Variants in PIK3CA observed in about 807,000 individuals in gnomAD.
PIK3CA encodes the protein phosphatidylinositol 4,5-bisphosphate 3-kinase catalytic subunit alpha isoform.
PIK3CA carries 27 observed loss-of-function variants against 138.2 expected under a neutral mutation model. That is an observed-to-expected ratio of 0.20 (90% confidence interval 0.14 to 0.27). The LOEUF is 0.27. Ranked by LOEUF, PIK3CA falls within the 10% of genes least tolerant of loss-of-function variation. PIK3CA has a pLI of 1.00. For synonymous variants in PIK3CA, 358 were observed against 413.2 expected (o/e 0.87, Z 1.62); for missense variants, 544 against 1,277.4 (o/e 0.43, Z 8.75).
chr3:179,199,945 T>G (rs1724369301), intron 3 of PIK3CA, 46 bp downstream of exon 3: 3 of 1,186,226 alleles, frequency 2.5e-6, no homozygotes, highest in Non-Finnish European at 3.7e-6. Flanking sequence ...TAGTGCAGTC[T>G]TCTACCTGTG....
At chr3:179,173,444 T>A (rs1326172273) in intron 1 of PIK3CA, among the ~76,000 whole-genome samples, 2 of 140,502 alleles carry the variant, frequency 1.4e-5, no homozygotes, top group Non-Finnish European at 3.0e-5. Flanking sequence ...CCAGGTGTGG[T>A]GGCGGGCGCC....
chr3:179,229,272 A>G lies in PIK3CA; in HGVS notation c.2496A>G (p.Arg832=), dbSNP rs201269713. ...NIWQNQGLDL[R]MLPYGCLSIG... Reference sequence around the variant, plus strand: ...TGTAAACGTGTTACTCCTCTTTCAGAATGTTACCTTATGGTTGTCTGTCAA... The same window carrying G: ...TGTAAACGTGTTACTCCTCTTTCAGGATGTTACCTTATGGTTGTCTGTCAA... Residue 832 remains arginine (R), a splice_region_variant and synonymous_variant, in exon 18 of 21, where the codon CGA becomes CGG. Transcript: ENST00000263967. The G allele has an allele frequency of 1.2e-5, 20 of 1,607,880 alleles. No individual in the cohort carries two copies. The highest frequency in any genetic ancestry group is 1.7e-4 in the Middle Eastern group (1 of 6,054).
At chr3:179,206,246 G>A (rs553325718) in intron 6 of PIK3CA, among the ~76,000 whole-genome samples, 1 of 151,942 alleles carries the variant, frequency 6.6e-6, no homozygotes, top group South Asian at 2.1e-4. Flanking sequence ...TTCAGTAGAG[G>A]GGGGTTTCAC....
At chr3:179,170,377 A>G (rs992464433) in intron 1 of PIK3CA, among the ~76,000 whole-genome samples, 1 of 152,230 alleles carries the variant, frequency 6.6e-6, no homozygotes, top group African/African-American at 2.4e-5. Context: ...AATGTTGGTA[A>G]CGGAGTGAAT....
In PIK3CA at chr3:179,220,867, G is replaced by C. The variant is rs1724949065; in HGVS notation, c.2016-119G>C. ...CAGGTTTTGAATAATTTTATTATTAGTATGATTGTAACATTTATTGGATTT... is the reference window on the plus strand; with the variant it reads ...CAGGTTTTGAATAATTTTATTATTACTATGATTGTAACATTTATTGGATTT... On this transcript the variant is annotated intron_variant, in intron 13 of 20. Transcript: ENST00000263967. The surrounding 1 kb of genome is among the most constrained non-coding windows in gnomAD (Gnocchi z 4.1). The C allele has an allele frequency of 1.9e-6, 1 of 528,498 alleles. No individual in the cohort carries two copies. The highest frequency in any genetic ancestry group is 3.4e-5 in the East Asian group (1 of 29,336). The allele number at this position is 528,498 out of a possible 1,614,324, so 32.7% of individuals were successfully genotyped here. A position where few individuals can be genotyped will look rare whatever the true frequency, so the allele number is the denominator to read the frequency against.
chr3:179,159,185 G>A (rs1403169248), intron 1 of PIK3CA, among the ~76,000 whole-genome samples: 1 of 152,056 alleles, frequency 6.6e-6, no homozygotes, highest in African/African-American at 2.4e-5. Context: ...ATGCTTCCAA[G>A]CTTTTTTGTA....
In PIK3CA at chr3:179,226,946, T is replaced by C. The variant is rs556176019; in HGVS notation, c.2495+906T>C. On this transcript the variant is annotated intron_variant, in intron 17 of 20. Transcript: ENST00000263967. ...ATCAAATTTCATTTTTTGGTATAAT[T>C]TCCTGTGTCATGAGAGATCCACATG... Among the ~76,000 whole-genome samples the C allele has an allele frequency of 2.0e-5, 3 of 152,170 alleles. No individual in the cohort carries two copies. The East Asian group carries it at 5.8e-4, about 29-fold the overall frequency.
chr3:179,150,734 C>T (rs911752671), intron 1 of PIK3CA, among the ~76,000 whole-genome samples: 2 of 152,128 alleles, frequency 1.3e-5, no homozygotes, highest in African/African-American at 4.8e-5. Flanking sequence ...AATCAGTATC[C>T]CCTTAAAAAA....
intron 1 of PIK3CA, among the ~76,000 whole-genome samples, chr3:179,168,212 A>AG (rs1034782710): frequency 6.6e-6 from 1 of 152,174 alleles, no homozygotes; most frequent in Non-Finnish European, 1.5e-5. Context: ...GAATTGGTTC[A>AG]GGGGAAGTAA....
chr3:179,148,723 G>C (rs940961951), intron 1 of PIK3CA, 120 bp downstream of exon 1: 1 of 152,230 alleles, frequency 6.6e-6, no homozygotes, highest in Non-Finnish European at 1.5e-5. Context: ...TCGTCTCCCA[G>C]CGTCGGCCCG....
Position 179,236,716 on chromosome 3 carries a change from CAA to C in PIK3CA, c.*2355_*2356del, listed in dbSNP as rs1351341321. 4.5e-6 allele frequency: 1 copy of C among 223,592 alleles called. No individual in the cohort carries two copies. 13.9% of individuals were successfully genotyped at this position (223,592 alleles called of 1,614,324 possible). ...CGATTTCACCATTTACATTTATTTT[CAA>C]AAGTTACTACAACCAAATTAATTCT... On this transcript the variant is annotated 3_prime_UTR_variant, in exon 21 of 21. Transcript: ENST00000263967.
intron 1 of PIK3CA, among the ~76,000 whole-genome samples, chr3:179,188,371 T>C (rs1724045440): frequency 6.6e-6 from 1 of 152,224 alleles, no homozygotes; most frequent in African/African-American, 2.4e-5. Context: ...ATGCCATTGG[T>C]CACAAGGTGG....
intron 1 of PIK3CA, among the ~76,000 whole-genome samples, chr3:179,178,849 T>C (rs1489395849): frequency 1.3e-5 from 2 of 152,178 alleles, no homozygotes; most frequent in African/African-American, 4.8e-5. Context: ...AGCAAAGAGC[T>C]GTGACAATAC....
chr3:179,177,009 A>C (rs1158694677), intron 1 of PIK3CA, among the ~76,000 whole-genome samples: 1 of 152,092 alleles, frequency 6.6e-6, no homozygotes, highest in African/African-American at 2.4e-5. Flanking sequence ...ATGGGGATAC[A>C]TTTTTGTTTT....
chr3:179,198,967 G>T lies in PIK3CA; in HGVS notation c.142G>T (p.Glu48Ter). The change falls in exon 2 of 21, where the codon GAA becomes TAA. Residue 48 changes from glutamate to a stop codon, truncating the protein, a stop_gained. Transcript: ENST00000263967. LOFTEE classifies it high-confidence loss of function. ...REATLITIKHELFKEARKYPL... is the reference protein window; with the variant it reads ...REATLITIKH ...GGCTACATTAATAACCATAAAGCAT[G>T]AACTATTTAAAGAAGCAAGAAAATA... The T allele has an allele frequency of 6.2e-7, 1 of 1,613,222 alleles. No individual in the cohort carries two copies. The highest frequency in any genetic ancestry group is 1.1e-5 in the South Asian group (1 of 90,924).
rs574908621 is a variant in PIK3CA, at chr3:179,205,020, C to CA, written c.1145+468dup. Among the ~76,000 whole-genome samples, 275 of 53,368 alleles carry CA rather than the reference C, an allele frequency of 5.2e-3. 44 individuals carry two copies. The highest frequency in any genetic ancestry group is 9.4e-3 in the South Asian group (10 of 1,062). The allele number at this position is 53,368 out of a possible 152,430, so 35.0% of individuals were successfully genotyped here. The stretch of plus-strand genomic sequence containing the variant: ...TGGGCAACAGAGCGAGACTCCGTCT[C>CA]AAAAAAAAAAAAAAAAAAAAAAAAA... On this transcript the variant is annotated intron_variant, in intron 6 of 20. Transcript: ENST00000263967.
chr3:179,234,085 T>G lies in PIK3CA; in HGVS notation c.2937-9T>G, dbSNP rs751042690. The G allele has an allele frequency of 6.3e-7, 1 of 1,589,868 alleles. No individual in the cohort carries two copies. Among genetic ancestry groups the G allele is most frequent in the East Asian group, 2.3e-5 (1 of 44,358 alleles). On this transcript the variant is annotated splice_polypyrimidine_tract_variant and intron_variant, in intron 20 of 20. Coordinates refer to ENST00000263967, the MANE Select transcript of PIK3CA (RefSeq NM_006218.4). The surrounding 1 kb of genome is among the most constrained non-coding windows in gnomAD (Gnocchi z 5.1). ...TCCAAACTGACCAAACTGTTCTTATTACTTATAGGTTTCAGGAGATGTGTT... is the reference window on the plus strand; with the variant it reads ...TCCAAACTGACCAAACTGTTCTTATGACTTATAGGTTTCAGGAGATGTGTT...
At chr3:179,176,835 A>G (rs763981503) in intron 1 of PIK3CA, among the ~76,000 whole-genome samples, 2 of 152,210 alleles carry the variant, frequency 1.3e-5, no homozygotes, top group African/African-American at 4.8e-5. Flanking sequence ...ATAAGTTCCC[A>G]GTAGTGGGGT....
At chr3:179,203,361 T>C (rs1724470999) in intron 4 of PIK3CA, among the ~76,000 whole-genome samples, 183 bp from the exon 5 acceptor site, 1 of 152,232 alleles carries the variant, frequency 6.6e-6, no homozygotes, top group Admixed American at 6.5e-5. Context: ...ATTGATCTTG[T>C]GCTTCAACGT....
Sources: allele counts gnomAD v4.1 joint callset (sites outside exome capture counted in the v4.1 genomes callset), GRCh38; gene constraint gnomAD v4.1.1; non-coding constraint Gnocchi (gnomAD v3.1); transcripts MANE v1.5; gene names NCBI Gene and HGNC (gene_info 2026-07-23, HGNC 2026-07-21).